Variants in KCNMA1 observed in about 807,000 individuals in gnomAD.
The protein encoded by KCNMA1 is potassium calcium-activated channel subfamily M alpha 1, also known as Calcium-activated potassium channel subunit alpha-1.
KCNMA1 carries 29 observed loss-of-function variants against 140.0 expected under a neutral mutation model. That is an observed-to-expected ratio of 0.21 (90% CI 0.15 to 0.28). The LOEUF (loss-of-function observed/expected upper bound fraction) is 0.28, where lower values mean the gene tolerates loss of function less well. Among genes scored for constraint, KCNMA1 ranks in the 10% least tolerant of loss-of-function variants. KCNMA1 has a pLI of 1.00. For missense variants in KCNMA1, 880 were observed against 1,602.2 expected, an observed-to-expected ratio of 0.55 and a Z score of 7.70; for synonymous variants, 612 against 611.9, an observed-to-expected ratio of 1.00 and a Z score of 0.00.
rs570669291 is a variant in KCNMA1 at position 77,408,377 on chromosome 10, C to T, written c.379-4354G>A. Among the ~76,000 whole-genome samples, 541 of 152,062 alleles carry T rather than the reference C, an allele frequency of 3.6e-3. 1 individual carries two copies. Among genetic ancestry groups the T allele is most frequent in the Non-Finnish European group, 6.6e-3 (451 of 68,002 alleles). On this transcript the variant is annotated intron_variant, in intron 1 of 27. Transcript: ENST00000286628. ...ATGTCAGTCAGGAAATCACTGAGTG[C>T]GTGTGCTCACACATGTGTGTGTGCA...
At chr10:77,259,802 C>A (rs2061572203) in intron 2 of KCNMA1, among the ~76,000 whole-genome samples, 1 of 152,200 alleles carries the variant, frequency 6.6e-6, no homozygotes, top group African/African-American at 2.4e-5. Flanking sequence ...TTTTACATGT[C>A]TTTGTGCAAT....
rs7901616 is a variant in KCNMA1, at chr10:77,065,558, T to C, written c.1749+7539A>G. Reference sequence around the variant, plus strand: ...TCCCTTTATAAGAAATATACCATATTCATAGATTGGAGAACTCAGTATTGT... The same window carrying C: ...TCCCTTTATAAGAAATATACCATATCCATAGATTGGAGAACTCAGTATTGT... On this transcript the variant is annotated intron_variant, in intron 14 of 27. Transcript: ENST00000286628. 6.1e-3 allele frequency among the ~76,000 whole-genome samples: 930 copies of C among 152,200 alleles called. 12 individuals carry two copies. Among genetic ancestry groups the C allele is most frequent in the African/African-American group, 0.021 (883 of 41,502 alleles).
At chr10:77,333,872 C>T (rs1024593660) in intron 2 of KCNMA1, among the ~76,000 whole-genome samples, 7 of 152,154 alleles carry the variant, frequency 4.6e-5, no homozygotes, top group South Asian at 2.1e-4. Flanking sequence ...GTAAGCTGTG[C>T]GCTCCTTGGG....
At chr10:76,907,336 T>C (rs1367892819) in intron 25 of KCNMA1, among the ~76,000 whole-genome samples, 1 of 152,198 alleles carries the variant, frequency 6.6e-6, no homozygotes, top group African/African-American at 2.4e-5. Context: ...TACCTACTGA[T>C]GATATAGATG....
At chr10:77,191,339 G>A (rs2098936601) in intron 3 of KCNMA1, among the ~76,000 whole-genome samples, 2 of 152,132 alleles carry the variant, frequency 1.3e-5, no homozygotes, top group Admixed American at 1.3e-4. Context: ...ATTCATCATT[G>A]AGAAAGCAAT....
At chr10:77,524,874 TC>T (rs1420003715) in intron 1 of KCNMA1, among the ~76,000 whole-genome samples, 1 of 152,120 alleles carries the variant, frequency 6.6e-6, no homozygotes, top group Non-Finnish European at 1.5e-5. Context: ...TATGAGCCCA[TC>T]CACTTCCTCT....
intron 23 of KCNMA1, among the ~76,000 whole-genome samples, chr10:76,943,676 T>C (rs1254557379): frequency 1.3e-5 from 2 of 152,196 alleles, no homozygotes; most frequent in Non-Finnish European, 2.9e-5. Context: ...CCCAGAGCCA[T>C]GCAGGGAAGA....
At chr10:77,555,513 G>C (rs1177889127) in intron 1 of KCNMA1, among the ~76,000 whole-genome samples, 1 of 152,142 alleles carries the variant, frequency 6.6e-6, no homozygotes, top group African/African-American at 2.4e-5. Flanking sequence ...ATTTTTTCAA[G>C]CTTGTCTTTC....
intron 17 of KCNMA1, 78 bp from the exon 18 acceptor site, chr10:77,012,121 G>C: frequency 1.2e-6 from 2 of 1,608,198 alleles, no homozygotes; most frequent in South Asian, 2.2e-5. Context: ...CCTCCACGGT[G>C]GTGCCAAATT....
chr10:76,966,337 G>T (rs536640445), intron 20 of KCNMA1, among the ~76,000 whole-genome samples: 2 of 152,176 alleles, frequency 1.3e-5, no homozygotes, highest in Admixed American at 6.5e-5. Flanking sequence ...GCATTTGTAC[G>T]TGCAACTATG....
intron 1 of KCNMA1, among the ~76,000 whole-genome samples, chr10:77,514,712 A>T: frequency 6.6e-6 from 1 of 152,236 alleles, no homozygotes; most frequent in Admixed American, 6.5e-5. Flanking sequence ...GGGTGGGTGG[A>T]ATAGGGTAAG....
intron 24 of KCNMA1, chr10:76,914,098 T>C: frequency 6.4e-7 from 1 of 1,550,554 alleles, no homozygotes; most frequent in Non-Finnish European, 8.7e-7. Context: ...ACTGTTTTTT[T>C]CCTGATTGAC....
chr10:77,586,163 C>A (rs1448216948), intron 1 of KCNMA1, among the ~76,000 whole-genome samples: 2 of 152,176 alleles, frequency 1.3e-5, no homozygotes, highest in Non-Finnish European at 2.9e-5. Flanking sequence ...TCTGATGGGG[C>A]ACCAGTCAGT....
At chr10:77,152,309 T>TGTGTGTGTGTGC (rs59919010) in intron 5 of KCNMA1, among the ~76,000 whole-genome samples, 2 of 147,696 alleles carry the variant, frequency 1.4e-5, no homozygotes, top group Admixed American at 1.4e-4. Flanking sequence ...TGTGTGTGTG[T>TGTGTGTGTGTGC]TGTTGCTGTT....
chr10:77,437,376 T>C (rs565347170), intron 1 of KCNMA1, among the ~76,000 whole-genome samples: 1 of 152,272 alleles, frequency 6.6e-6, no homozygotes, highest in Admixed American at 6.5e-5. Flanking sequence ...AATAATAGCC[T>C]TTTCTGTGAT....
intron 2 of KCNMA1, among the ~76,000 whole-genome samples, chr10:77,267,647 C>A (rs2154276294): frequency 1.3e-5 from 2 of 152,282 alleles, no homozygotes; most frequent in South Asian, 4.2e-4. Context: ...AGCATCGGCC[C>A]CACTCATTTT....
chr10:77,604,701 A>C (rs1418789560), intron 1 of KCNMA1, among the ~76,000 whole-genome samples: 1 of 150,424 alleles, frequency 6.6e-6, no homozygotes, highest in African/African-American at 2.4e-5. Flanking sequence ...CCCCCAAAAA[A>C]AAGAGTTGCC....
chr10:77,593,886 T>C (rs1486329116), intron 1 of KCNMA1, among the ~76,000 whole-genome samples: 1 of 152,192 alleles, frequency 6.6e-6, no homozygotes, highest in Non-Finnish European at 1.5e-5. Flanking sequence ...GGGGAAAGCA[T>C]CCAAATTGTG....
chr10:76,879,904 G>A (rs1054013565), downstream of KCNMA1, among the ~76,000 whole-genome samples: 4 of 152,152 alleles, frequency 2.6e-5, no homozygotes, highest in South Asian at 2.1e-4. Flanking sequence ...TTCACACTAC[G>A]ACTTTTTCCA....
Sources: gnomAD v4.1 joint callset for allele counts (sites outside exome capture counted in the v4.1 genomes callset) on GRCh38, gnomAD v4.1.1 for gene constraint, MANE v1.5 for transcripts, NCBI Gene and HGNC (gene_info 2026-07-23, HGNC 2026-07-21) for gene names.